EFNA5: variants seen among roughly 807,000 people sequenced by gnomAD.
EFNA5 encodes ephrin-A5.
In EFNA5, 5 loss-of-function variants were observed where a neutral mutation model predicts 22.9. The ratio of observed to expected loss-of-function variants is 0.22; its 90% confidence interval spans 0.11 to 0.46. The LOEUF (loss-of-function observed/expected upper bound fraction) is 0.46, where lower values mean the gene tolerates loss of function less well. EFNA5 is among the 20% of genes least tolerant of loss of function. The probability of loss-of-function intolerance (pLI) is 0.99; values close to 1 mark genes in which losing one functional copy is unlikely to be tolerated. For synonymous variants in EFNA5, 113 were observed against 112.2 expected (o/e 1.01, Z -0.04); for missense variants, 237 against 293.3 (o/e 0.81, Z 1.40).
intron 1 of EFNA5, among the ~76,000 whole-genome samples, chr5:107,586,720 T>C (rs901864641): frequency 5.3e-5 from 8 of 152,316 alleles, no homozygotes; most frequent in East Asian, 1.9e-4. Flanking sequence ...TAAAGGAACA[T>C]AGCCACTCAA....
chr5:107,660,392 T>G (rs1421488680), intron 1 of EFNA5, among the ~76,000 whole-genome samples: 1 of 146,756 alleles, frequency 6.8e-6, no homozygotes, highest in Non-Finnish European at 1.5e-5. Context: ...GGTGGGAAAA[T>G]TTTAAAATGT....
At chr5:107,469,468 G>A (rs1284828588) in intron 1 of EFNA5, among the ~76,000 whole-genome samples, 1 of 152,028 alleles carries the variant, frequency 6.6e-6, no homozygotes, top group Non-Finnish European at 1.5e-5. Context: ...GCCAAGGAAT[G>A]GCTTGGTTGT....
At chr5:107,427,007 G>A (rs868284634) in intron 2 of EFNA5, 50 of 578,796 alleles carry the variant, frequency 8.6e-5, no homozygotes, top group African/African-American at 6.4e-4. Context: ...AGGCTGACAC[G>A]TAATTTCATA....
At chr5:107,651,362 A>G (rs529226425) in intron 1 of EFNA5, among the ~76,000 whole-genome samples, 1 of 152,300 alleles carries the variant, frequency 6.6e-6, no homozygotes, top group African/African-American at 2.4e-5. Context: ...ATTCAAGTCA[A>G]TTCCTAGAGG....
At chr5:107,629,235 G>T (rs1029162170) in intron 1 of EFNA5, among the ~76,000 whole-genome samples, 3 of 151,988 alleles carry the variant, frequency 2.0e-5, no homozygotes, top group African/African-American at 7.3e-5. Context: ...ATTAATAAAT[G>T]ATTACTAAAT....
chr5:107,549,644 T>C (rs924516441), intron 1 of EFNA5, among the ~76,000 whole-genome samples: 2 of 152,260 alleles, frequency 1.3e-5, no homozygotes, highest in Non-Finnish European at 2.9e-5. Flanking sequence ...AGCTCTCATT[T>C]CAAGCCTGTT....
chr5:107,499,438 T>A (rs1183445331), intron 1 of EFNA5, among the ~76,000 whole-genome samples: 1 of 152,270 alleles, frequency 6.6e-6, no homozygotes, highest in East Asian at 1.9e-4. Context: ...GCTTTTGTTA[T>A]TCAAAGTAAT....
chr5:107,561,224 T>C (rs1748534662), intron 1 of EFNA5, among the ~76,000 whole-genome samples: 1 of 152,276 alleles, frequency 6.6e-6, no homozygotes, highest in Non-Finnish European at 1.5e-5. Flanking sequence ...AAAGCCATGA[T>C]TTTGGTCTTT....
chr5:107,563,130 C>T lies in EFNA5; in HGVS notation c.125+107359G>A, dbSNP rs138492685. On this transcript the variant is annotated intron_variant, in intron 1 of 4. Transcript: ENST00000333274. The stretch of plus-strand genomic sequence containing the variant: ...TAGGGGAAGAAAACTCATTAAATAA[C>T]TCCTTTGCAAAGAGCAGGGCTTAGT... Among the ~76,000 whole-genome samples, 9 of 152,340 alleles carry T rather than the reference C, an allele frequency of 5.9e-5. No individual in the cohort carries two copies. In the East Asian group the frequency reaches 1.7e-3, roughly 29 times the overall value.
At chr5:107,484,790 A>G (rs1746548313) in intron 1 of EFNA5, among the ~76,000 whole-genome samples, 1 of 144,244 alleles carries the variant, frequency 6.9e-6, no homozygotes, top group African/African-American at 2.6e-5. Context: ...TGTGATAGTT[A>G]TGATTTTGTA....
At chr5:107,616,612 G>A (rs1163678991) in intron 1 of EFNA5, among the ~76,000 whole-genome samples, 1 of 152,176 alleles carries the variant, frequency 6.6e-6, no homozygotes, top group African/African-American at 2.4e-5. Context: ...ATGTGCGTGT[G>A]TATGTGTGTC....
chr5:107,449,222 A>G (rs975187087), intron 1 of EFNA5, among the ~76,000 whole-genome samples: 5 of 152,194 alleles, frequency 3.3e-5, no homozygotes, highest in African/African-American at 1.2e-4. Context: ...ATTTCCATTC[A>G]TCACATCAAT....
At chr5:107,615,913 T>C (rs1207109387) in intron 1 of EFNA5, among the ~76,000 whole-genome samples, 1 of 152,176 alleles carries the variant, frequency 6.6e-6, no homozygotes, top group Non-Finnish European at 1.5e-5. Context: ...AAATAGACTA[T>C]GGTTAAAACC....
At chr5:107,559,946 A>G (rs559791536) in intron 1 of EFNA5, among the ~76,000 whole-genome samples, 3 of 152,194 alleles carry the variant, frequency 2.0e-5, no homozygotes, top group Middle Eastern at 3.2e-3. Context: ...GCTTTCTTTA[A>G]TATGTGTTCT....
At chr5:107,511,035 TGTGTGTGA>T (rs997936458) in intron 1 of EFNA5, among the ~76,000 whole-genome samples, 33 of 151,748 alleles carry the variant, frequency 2.2e-4, no homozygotes, top group East Asian at 1.2e-3. Flanking sequence ...TGTGTGTGTG[TGTGTGTGA>T]GACGGAGAGT....
chr5:107,417,408 T>A (rs1748530372), intron 2 of EFNA5, among the ~76,000 whole-genome samples: 1 of 152,156 alleles, frequency 6.6e-6, no homozygotes, highest in Non-Finnish European at 1.5e-5. Context: ...GTTCCTAATG[T>A]GGATTTTATA....
intron 1 of EFNA5, among the ~76,000 whole-genome samples, chr5:107,509,288 A>AAAAGTGAG (rs1747315070): frequency 6.6e-6 from 1 of 151,896 alleles, no homozygotes; most frequent in African/African-American, 2.4e-5. Context: ...ACAAAAGAGC[A>AAAAGTGAG]AAAGTGAGTG....
At chr5:107,459,335 A>G (rs1026945878) in intron 1 of EFNA5, among the ~76,000 whole-genome samples, 14 of 151,760 alleles carry the variant, frequency 9.2e-5, no homozygotes, top group African/African-American at 1.5e-4. Flanking sequence ...CCTGGGTGAC[A>G]GAGCAAGACT....
intron 1 of EFNA5, among the ~76,000 whole-genome samples, chr5:107,535,042 T>A: frequency 6.6e-6 from 1 of 152,284 alleles, no homozygotes; most frequent in South Asian, 2.1e-4. Context: ...GCCTTTTTGA[T>A]GAAAAGTGGA....
Sources: gnomAD v4.1 joint callset for allele counts (sites outside exome capture counted in the v4.1 genomes callset) on GRCh38, gnomAD v4.1.1 for gene constraint, MANE v1.5 for transcripts, NCBI Gene and HGNC (gene_info 2026-07-23, HGNC 2026-07-21) for gene names.